The following QTRT2 variants were observed in gnomAD, a reference collection of about 807,000 sequenced individuals.
QTRT2 encodes queuine tRNA-ribosyltransferase accessory subunit 2, also known as queuine tRNA-ribosyltransferase domain containing 1.
A neutral mutation model predicts 44.8 loss-of-function variants in QTRT2; 32 were observed. The observed-to-expected ratio is 0.71, with a 90% confidence interval of 0.54 to 0.96. QTRT2 has a LOEUF of 0.96. Among genes scored for constraint, QTRT2 ranks in the 40% least tolerant of loss-of-function variants. The pLI, the probability that QTRT2 is intolerant of heterozygous loss-of-function variation, is 0.00. For synonymous variants in QTRT2, 182 were observed against 187.4 expected, an observed-to-expected ratio of 0.97 and a Z score of 0.24; for missense variants, 461 against 503.1, an observed-to-expected ratio of 0.92 and a Z score of 0.80.
rs1218354746 is a variant in QTRT2 at position 114,060,538 on chromosome 3, AGATAGAT to A, written c.-22+3433_-22+3439del. 3.0e-5 allele frequency among the ~76,000 whole-genome samples: 4 copies of A among 134,606 alleles called. 1 individual carries two copies. The highest frequency in any genetic ancestry group is 5.8e-5 in the African/African-American group (2 of 34,332). The allele number at this position is 134,606 out of a possible 152,430, so 88.3% of individuals were successfully genotyped here. Reference sequence around the variant, plus strand: ...TAGATAGATAGATAGATAGATAGATAGATAGATAAGATAGATTAGATAGATAGATTAG... The same window carrying A: ...TAGATAGATAGATAGATAGATAGATAAAGATAGATTAGATAGATAGATTAG... On this transcript the variant is annotated intron_variant, in intron 2 of 9. Transcript: ENST00000281273.
At chr3:114,059,615 T>C (rs900164390) in intron 2 of QTRT2, among the ~76,000 whole-genome samples, 5 of 152,090 alleles carry the variant, frequency 3.3e-5, no homozygotes, top group Admixed American at 6.5e-5. Flanking sequence ...ATTCCATTTT[T>C]TTAAAAAAAA....
rs2077012725 is a variant in QTRT2, at chr3:114,070,652, A to G, written c.360A>G (p.Gly120=). The G allele has an allele frequency of 6.2e-7, 1 of 1,613,984 alleles. No homozygotes were observed. Among genetic ancestry groups the G allele is most frequent in the Non-Finnish European group, 8.5e-7 (1 of 1,180,004 alleles). ...CTGTGTCTGTGTGGAGTGTTGCAGG[A>G]CGAGTGGAAATGACTGTTTCCAAGT... is the stretch of plus-strand genomic sequence containing the variant. ...NKSVSVWSVA[G]RVEMTVSKFM... The change falls in exon 6 of 10, where the codon GGA becomes GGG. Residue 120 remains glycine (G), a synonymous_variant. Transcript: ENST00000281273.
intron 6 of QTRT2, 51 bp from the exon 7 acceptor site, chr3:114,076,691 CA>C: frequency 2.6e-6 from 4 of 1,557,076 alleles, no homozygotes; most frequent in Non-Finnish European, 3.5e-6. Context: ...TTCATTTAAA[CA>C]AAGGTCTCAT....
intron 5 of QTRT2, among the ~76,000 whole-genome samples, chr3:114,069,854 T>C (rs575879905): frequency 1.3e-5 from 2 of 152,210 alleles, no homozygotes; most frequent in Non-Finnish European, 2.9e-5. Flanking sequence ...GAGATTTAAG[T>C]CTTTAATTCT....
intron 2 of QTRT2, among the ~76,000 whole-genome samples, chr3:114,063,614 T>C (rs542480028): frequency 2.0e-5 from 3 of 152,172 alleles, no homozygotes; most frequent in East Asian, 1.9e-4. Flanking sequence ...CTCATAGTTA[T>C]AGAAAATTGA....
rs781567862 is a variant in QTRT2, at chr3:114,065,394, C to G, written c.137C>G (p.Thr46Ser). The G allele has an allele frequency of 6.2e-7, 1 of 1,614,180 alleles. No individual in the cohort carries two copies. The highest frequency in any genetic ancestry group is 1.7e-5 in the Admixed American group (1 of 60,018). ...AAGACTGGCTCCGCCCCACACCTCA[C>G]CCATCACACGCTGCATAATATCCAC... ...YTKTGSAPHL[T>S]HHTLHNIHGV... Residue 46 changes from threonine to serine, a missense_variant, in exon 3 of 10, where the codon ACC becomes AGC. By Grantham distance (58) the Thr-to-Ser change is moderately conservative (BLOSUM62 1). Transcript: ENST00000281273.
In QTRT2 at chr3:114,070,704, C is replaced by T; in HGVS notation, c.412C>T (p.Pro138Ser). 1 of 1,614,128 alleles carries T rather than the reference C, an allele frequency of 6.2e-7. No individual in the cohort carries two copies. The highest frequency in any genetic ancestry group is 1.1e-5 in the South Asian group (1 of 91,076). Reference protein sequence around the residue: ...KFMAIQKALQPDWFQCLSDGE... With the variant: ...KFMAIQKALQSDWFQCLSDGE... ...CATGGCAATTCAGAAGGCCCTTCAG[C>T]CAGACTGGTTCCAGTGCCTCTCCGA... Residue 138 changes from proline (P) to serine (S), a missense_variant, in exon 6 of 10, where the codon CCA becomes TCA. By Grantham distance (74) the Pro-to-Ser change is moderately conservative (BLOSUM62 -1). Coordinates refer to ENST00000281273, the MANE Select transcript of QTRT2 (RefSeq NM_024638.4).
Position 114,084,033 on chromosome 3 carries a change from TTGGTC to T in QTRT2, c.1016+1245_1016+1249del, listed in dbSNP as rs373303806. ...TAGCACTGCTCTTGACTGTGTGACT[TTGGTC>T]TGGTCAATTCTTCACTTTTTTCTTT... On this transcript the variant is annotated intron_variant, in intron 9 of 9. Coordinates refer to ENST00000281273, the MANE Select transcript of QTRT2 (RefSeq NM_024638.4). Among the ~76,000 whole-genome samples the T allele has an allele frequency of 4.0e-3, 605 of 152,134 alleles. 8 individuals carry two copies. The highest frequency in any genetic ancestry group is 0.014 in the African/African-American group (576 of 41,524).
chr3:114,084,375 T>C (rs1384645465), intron 9 of QTRT2, among the ~76,000 whole-genome samples: 2 of 152,118 alleles, frequency 1.3e-5, no homozygotes, highest in African/African-American at 4.8e-5. Flanking sequence ...CCTAGCACTT[T>C]GGGAGGCTGA....
Position 114,082,843 on chromosome 3 carries a change from T to C in QTRT2, c.1016+49T>C, listed in dbSNP as rs58382469. 8,112 of 836,162 alleles carry C rather than the reference T, an allele frequency of 9.7e-3. 485 individuals carry two copies. The African/African-American group carries it at 0.12, about 12-fold the overall frequency. The allele number at this position is 836,162 out of a possible 1,614,324, so 51.8% of individuals were successfully genotyped here. On this transcript the variant is annotated intron_variant, in intron 9 of 9. Transcript: ENST00000281273. ...ATTTTGCTTTCTGACTTCTGAATTT[T>C]AGTCTGTGTTAAAAGTTTATGGGAC...
chr3:114,066,199 T>A (rs747982753), intron 3 of QTRT2, 29 bp from the exon 4 acceptor site: 2 of 1,502,394 alleles, frequency 1.3e-6, no homozygotes, highest in Non-Finnish European at 1.9e-6. Context: ...CACATTATTA[T>A]GTTATGTATT....
At chr3:114,065,096 G>C (rs1184476748) in intron 2 of QTRT2, 141 bp from the exon 3 acceptor site, 3 of 617,580 alleles carry the variant, frequency 4.9e-6, no homozygotes, top group Non-Finnish European at 8.5e-6. Flanking sequence ...CCCCGTTCCT[G>C]ATATCTATGA....
At chr3:114,083,824 GTCTT>G (rs1014562493) in intron 9 of QTRT2, among the ~76,000 whole-genome samples, 24 of 152,064 alleles carry the variant, frequency 1.6e-4, no homozygotes, top group Admixed American at 2.6e-4. Context: ...ATTTGTTTTT[GTCTT>G]TCTTTTACCC....
At chr3:114,083,003 G>A in intron 9 of QTRT2, 1 of 527,262 alleles carries the variant, frequency 1.9e-6, no homozygotes, top group South Asian at 1.8e-5. Context: ...ACTGGAGCCA[G>A]GTAATGATTG....
rs1232036200 is a variant in QTRT2 at position 114,069,933 on chromosome 3, T to C, written c.334-693T>C. On this transcript the variant is annotated intron_variant, in intron 5 of 9. Coordinates refer to ENST00000281273, the MANE Select transcript of QTRT2 (RefSeq NM_024638.4). ...AGGGCCCTAGACTGTGCTTTTGGGA[T>C]ACATACATGAATTGGGATACTCTAG... 2.6e-5 allele frequency among the ~76,000 whole-genome samples: 4 copies of C among 152,320 alleles called. No homozygotes were observed. The East Asian group carries it at 7.7e-4, about 29-fold the overall frequency.
intron 6 of QTRT2, among the ~76,000 whole-genome samples, chr3:114,072,874 GA>G (rs2077042714): frequency 6.6e-6 from 1 of 152,150 alleles, no homozygotes; most frequent in Non-Finnish European, 1.5e-5. Flanking sequence ...AATTAAGTGG[GA>G]AAAGGATTCA....
rs138199048 is a variant in QTRT2, at chr3:114,067,832, A to G, written c.257-155A>G. Among the ~76,000 whole-genome samples, 49 of 152,286 alleles carry G rather than the reference A, an allele frequency of 3.2e-4. No individual in the cohort carries two copies. The East Asian group carries it at 6.4e-3, about 20-fold the overall frequency. ...ATTAGTAATCTTTTTATACATATTG[A>G]TAGGCCTTCTCTAATTCCAAGTTCA... On this transcript the variant is annotated intron_variant, in intron 4 of 9. Transcript: ENST00000281273.
At chr3:114,057,194 T>A (rs1032367481) in intron 2 of QTRT2, 88 bp downstream of exon 2, 39 of 550,104 alleles carry the variant, frequency 7.1e-5, no homozygotes, top group Admixed American at 1.9e-4. Context: ...TAGGGAGGTC[T>A]GGGGCCATGG....
chr3:114,060,262 A>G (rs1172161038), intron 2 of QTRT2, among the ~76,000 whole-genome samples: 3 of 152,182 alleles, frequency 2.0e-5, no homozygotes, highest in Admixed American at 6.5e-5. Flanking sequence ...CAAGGATGAA[A>G]CTAAGAAGTC....
Sources: allele counts gnomAD v4.1 joint callset (sites outside exome capture counted in the v4.1 genomes callset), GRCh38; gene constraint gnomAD v4.1.1; transcripts MANE v1.5; gene names NCBI Gene and HGNC (gene_info 2026-07-23, HGNC 2026-07-21).